Variants in STAG1 observed in about 807,000 individuals in gnomAD.
STAG1 encodes the protein cohesin subunit SA-1.
STAG1 carries 26 observed loss-of-function variants against 170.9 expected under a neutral mutation model. That is an observed-to-expected ratio of 0.15 (90% CI 0.11 to 0.21). The LOEUF (loss-of-function observed/expected upper bound fraction) is 0.21. STAG1 is among the 10% of genes least tolerant of loss of function. STAG1 has a pLI of 1.00. For missense variants in STAG1, 964 were observed against 1,509.5 expected (o/e 0.64, Z 5.99); for synonymous variants, 514 against 497.7 (o/e 1.03, Z -0.44).
chr3:136,408,441 G>GT (rs1404187382), intron 21 of STAG1, among the ~76,000 whole-genome samples: 1 of 151,998 alleles, frequency 6.6e-6, no homozygotes, highest in Non-Finnish European at 1.5e-5. Context: ...AGGTTCTGAT[G>GT]TGATCCACAA....
chr3:136,513,481 A>G (rs1287029804), intron 7 of STAG1, among the ~76,000 whole-genome samples: 3 of 152,170 alleles, frequency 2.0e-5, no homozygotes, highest in Admixed American at 1.3e-4. Flanking sequence ...ATAAACATAC[A>G]TAACACTGTA....
chr3:136,732,721 T>C (rs1207261223), intron 1 of STAG1, among the ~76,000 whole-genome samples: 1 of 151,868 alleles, frequency 6.6e-6, no homozygotes, highest in African/African-American at 2.4e-5. Flanking sequence ...GTGATTCGCC[T>C]GCCTCAGCCT....
intron 13 of STAG1, among the ~76,000 whole-genome samples, chr3:136,463,584 T>C (rs906549436): frequency 5.9e-5 from 9 of 151,618 alleles, no homozygotes; most frequent in Non-Finnish European, 1.2e-4. Flanking sequence ...ATATTTTAAA[T>C]ATGAATTAAT....
intron 4 of STAG1, among the ~76,000 whole-genome samples, chr3:136,579,866 G>C (rs1291508958): frequency 2.0e-5 from 3 of 148,744 alleles, no homozygotes; most frequent in Admixed American, 6.7e-5. Context: ...TGCCAGAGGA[G>C]AAAAAAGCTA....
At chr3:136,699,539 C>T (rs1942986272) in intron 1 of STAG1, among the ~76,000 whole-genome samples, 1 of 151,918 alleles carries the variant, frequency 6.6e-6, no homozygotes, top group African/African-American at 2.4e-5. Context: ...TAAGCGCCAC[C>T]ACGTCTAATT....
chr3:136,467,458 A>C (rs1288371923), intron 12 of STAG1, among the ~76,000 whole-genome samples: 1 of 152,220 alleles, frequency 6.6e-6, no homozygotes, highest in African/African-American at 2.4e-5. Flanking sequence ...AGAAGAGCTA[A>C]CTATCCTAAA....
At chr3:136,355,647 T>C (rs1936624346) in intron 28 of STAG1, among the ~76,000 whole-genome samples, 1 of 152,118 alleles carries the variant, frequency 6.6e-6, no homozygotes, top group African/African-American at 2.4e-5. Context: ...TGTCAACTGA[T>C]ACATGGAACA....
At chr3:136,668,312 A>G in intron 1 of STAG1, among the ~76,000 whole-genome samples, 1 of 143,518 alleles carries the variant, frequency 7.0e-6, no homozygotes, top group South Asian at 2.1e-4. Context: ...ATTATACATG[A>G]CATATATATT....
At chr3:136,553,886 C>A (rs1276933280) in intron 5 of STAG1, among the ~76,000 whole-genome samples, 1 of 152,082 alleles carries the variant, frequency 6.6e-6, no homozygotes. Context: ...GGGCAAAGAA[C>A]AACCACTGGT....
intron 4 of STAG1, among the ~76,000 whole-genome samples, chr3:136,589,266 A>G (rs897730031): frequency 6.6e-6 from 1 of 152,116 alleles, no homozygotes; most frequent in Non-Finnish European, 1.5e-5. Context: ...TGGGAGGCCA[A>G]GGCGGGCAGA....
At chr3:136,497,971 T>A (rs943847862) in intron 9 of STAG1, among the ~76,000 whole-genome samples, 9 of 150,128 alleles carry the variant, frequency 6.0e-5, no homozygotes, top group Non-Finnish European at 1.3e-4. Context: ...GGCAGGCAGA[T>A]CACCTGAGGT....
chr3:136,415,874 C>T (rs1369439993), intron 21 of STAG1, among the ~76,000 whole-genome samples: 5 of 152,056 alleles, frequency 3.3e-5, no homozygotes, highest in Non-Finnish European at 5.9e-5. Flanking sequence ...GTATTTTCAA[C>T]AGTATCTTAA....
rs769584547 is a variant in STAG1 at position 136,369,201 on chromosome 3, C to A, written c.2452G>T (p.Val818Leu). The A allele has an allele frequency of 1.9e-6, 3 of 1,605,542 alleles. No homozygotes were observed. The highest frequency in any genetic ancestry group is 1.1e-5 in the South Asian group (1 of 89,374). ...TGGAGTCCAGTATCTGGATTGAACA[C>A]CAAAGGCTGAAGGCCCTCTCTGCCA... ...TGGREGLQPL[V>L]FNPDTGLQSE... is the part of the protein sequence containing the mutation. Residue 818 changes from valine to leucine, a missense_variant, in exon 24 of 34, where the codon GTG becomes TTG. Physicochemically the swap from Val to Leu is conservative, Grantham distance 32. This residue lies in a region of STAG1 where 232 missense variants were observed against 313.0 expected (regional missense o/e 0.74). Transcript: ENST00000383202.
intron 1 of STAG1, among the ~76,000 whole-genome samples, chr3:136,657,373 AT>A (rs1941423077): frequency 6.6e-6 from 1 of 151,562 alleles, no homozygotes; most frequent in Non-Finnish European, 1.5e-5. Context: ...TAATTTTTGT[AT>A]TTTTAGTAGA....
At chr3:136,715,014 A>AT (rs1183469911) in intron 1 of STAG1, among the ~76,000 whole-genome samples, 1 of 114,990 alleles carries the variant, frequency 8.7e-6, no homozygotes, top group South Asian at 2.7e-4. Flanking sequence ...ATATATATAT[A>AT]AAATATATAT....
chr3:136,519,691 G>A (rs1286922902), intron 7 of STAG1, among the ~76,000 whole-genome samples: 2 of 150,570 alleles, frequency 1.3e-5, no homozygotes, highest in African/African-American at 2.4e-5. Flanking sequence ...AAAGGTTGGC[G>A]AATTAGAAAA....
intron 8 of STAG1, among the ~76,000 whole-genome samples, chr3:136,500,781 T>C (rs1419806298): frequency 6.6e-6 from 1 of 152,166 alleles, no homozygotes; most frequent in Non-Finnish European, 1.5e-5. Context: ...CAATAAGAGG[T>C]ATAACAGAAG....
intron 32 of STAG1, among the ~76,000 whole-genome samples, chr3:136,339,248 A>C (rs1353549162): frequency 1.3e-5 from 2 of 152,218 alleles, no homozygotes; most frequent in East Asian, 3.8e-4. Context: ...TGATAAAAAA[A>C]ATAAATTTCT....
intron 31 of STAG1, 30 bp downstream of exon 31, chr3:136,341,411 T>C (rs756289930): frequency 2.2e-6 from 3 of 1,393,142 alleles, no homozygotes; most frequent in Admixed American, 1.7e-5. Context: ...ATAGTTGTTA[T>C]GTTCTTGTGA....
Sources: allele counts gnomAD v4.1 joint callset (sites outside exome capture counted in the v4.1 genomes callset), GRCh38; gene constraint gnomAD v4.1.1; regional missense constraint gnomAD v4.1.1; transcripts MANE v1.5; gene names NCBI Gene and HGNC (gene_info 2026-07-23, HGNC 2026-07-21).